The following MEGF11 variants were observed in gnomAD, a reference collection of about 807,000 sequenced individuals.
MEGF11 encodes multiple EGF like domains 11.
Under a neutral mutation model 146.6 loss-of-function variants are expected in MEGF11, and 126 were observed. That is an observed-to-expected ratio of 0.86 (90% CI 0.74 to 1.00). MEGF11 has a LOEUF of 1.00. Ranked by LOEUF, MEGF11 falls within the 50% of genes least tolerant of loss-of-function variation. MEGF11 has a pLI of 0.00. For synonymous variants in MEGF11, 532 were observed against 583.4 expected (o/e 0.91, Z 1.27); for missense variants, 1,509 against 1,521.2 (o/e 0.99, Z 0.13).
At chr15:65,918,178 C>CA (rs151064445) in intron 15 of MEGF11, 84 bp from the exon 16 acceptor site, 1 of 1,566,512 alleles carries the variant, frequency 6.4e-7, no homozygotes, top group Admixed American at 1.8e-5. Context: ...TAGAAGTTCC[C>CA]AAGCCACAGC....
chr15:66,122,802 A>G (rs1000013188), intron 3 of MEGF11, among the ~76,000 whole-genome samples: 51 of 146,406 alleles, frequency 3.5e-4, no homozygotes, highest in Middle Eastern at 3.6e-3. Context: ...TTTTTGAGAG[A>G]GAGTCTCGCT....
intron 1 of MEGF11, among the ~76,000 whole-genome samples, chr15:66,235,245 G>C (rs753356803): frequency 6.6e-6 from 1 of 152,194 alleles, no homozygotes; most frequent in African/African-American, 2.4e-5. Context: ...GCTTATGCCT[G>C]TAATCCCAGC....
rs1262363064 is a variant in MEGF11 at position 66,078,313 on chromosome 15, C to T, written c.394+16089G>A. Among the ~76,000 whole-genome samples, 13 of 152,376 alleles carry T rather than the reference C, an allele frequency of 8.5e-5. No homozygotes were observed. In the East Asian group the frequency reaches 2.5e-3, roughly 29 times the overall value. ...CTCCTTCCCTGTCAGCCTCAAGTGCCACCTCCTCCACAGCCCTGCATCGTG... is the reference window on the plus strand; with the variant it reads ...CTCCTTCCCTGTCAGCCTCAAGTGCTACCTCCTCCACAGCCCTGCATCGTG... On this transcript the variant is annotated intron_variant, in intron 5 of 25. Transcript: ENST00000395614.
chr15:65,982,318 A>G lies in MEGF11; in HGVS notation c.565T>C (p.Cys189Arg), dbSNP rs1478293576. The G allele has an allele frequency of 2.6e-6, 4 of 1,531,196 alleles. No individual in the cohort carries two copies. In the African/African-American group the frequency reaches 5.5e-5, roughly 21 times the overall value. The allele number at this position is 1,531,196 out of a possible 1,614,324, so 94.9% of individuals were successfully genotyped here. ...GTHGKGCQLP[C>R]QCRHGASCDP... ...CAGCTGGCACCGTGTCGGCACTGGC[A>G]CGGCAGCTGGCATCCCTTGCCGTGG... The change falls in exon 6 of 26, where the codon TGC becomes CGC. Residue 189 changes from cysteine to arginine, a missense_variant. Physicochemically the swap from Cys to Arg is radical, Grantham distance 180. Transcript: ENST00000395614. The surrounding 1 kb of genome is among the most constrained non-coding windows in gnomAD (Gnocchi z 5.6).
chr15:66,146,437 G>A (rs912267432), intron 1 of MEGF11, among the ~76,000 whole-genome samples: 1 of 151,842 alleles, frequency 6.6e-6, no homozygotes, highest in African/African-American at 2.4e-5. Context: ...GAAGTTCCCA[G>A]GAGAGATGGA....
chr15:65,982,106 G>T lies in MEGF11; in HGVS notation c.641+136C>A. 2.4e-6 allele frequency: 3 copies of T among 1,253,480 alleles called. No homozygotes were observed. The highest frequency in any genetic ancestry group is 3.1e-5 in the South Asian group (2 of 63,926). 77.6% of individuals were successfully genotyped at this position (1,253,480 alleles called of 1,614,324 possible). ...CCCACCCACAAGGAGCCCAGGGCTGGGCGTGCAGCTGCGGTGAGGGCAGCC... is the reference window on the plus strand; with the variant it reads ...CCCACCCACAAGGAGCCCAGGGCTGTGCGTGCAGCTGCGGTGAGGGCAGCC... On this transcript the variant is annotated intron_variant, in intron 6 of 25. Transcript: ENST00000395614. The surrounding 1 kb of genome is among the most constrained non-coding windows in gnomAD (Gnocchi z 5.6).
intron 5 of MEGF11, among the ~76,000 whole-genome samples, chr15:66,028,564 A>G (rs1006675779): frequency 6.6e-6 from 1 of 152,242 alleles, no homozygotes; most frequent in African/African-American, 2.4e-5. Flanking sequence ...AATGGAAATC[A>G]TTCAAAAGAA....
At chr15:66,218,995 A>AAAAAAAAAAAAAAAAAAAC (rs1349483802) in intron 1 of MEGF11, among the ~76,000 whole-genome samples, 1 of 151,308 alleles carries the variant, frequency 6.6e-6, no homozygotes, top group African/African-American at 2.4e-5. Context: ...AAAAAAAAAA[A>AAAAAAAAAAAAAAAAAAAC]ACCTTAACCT....
intron 1 of MEGF11, among the ~76,000 whole-genome samples, chr15:66,141,806 C>T (rs2141007719): frequency 6.6e-6 from 1 of 152,222 alleles, no homozygotes; most frequent in East Asian, 1.9e-4. Context: ...TGTGTATTTC[C>T]CTCCTGTCAT....
intron 7 of MEGF11, among the ~76,000 whole-genome samples, chr15:65,979,818 CTGT>C (rs1198899513): frequency 1.3e-5 from 2 of 152,170 alleles, no homozygotes; most frequent in Non-Finnish European, 2.9e-5. Flanking sequence ...GCAGGGCTCA[CTGT>C]TGTTATATCA....
intron 1 of MEGF11, among the ~76,000 whole-genome samples, chr15:66,196,322 A>C (rs1420834276): frequency 3.3e-5 from 5 of 152,074 alleles, no homozygotes; most frequent in Non-Finnish European, 7.4e-5. Flanking sequence ...AAATACAAAA[A>C]TTAGCCGGGC....
At chr15:65,931,658 G>A (rs1353332279) in intron 10 of MEGF11, among the ~76,000 whole-genome samples, 2 of 152,160 alleles carry the variant, frequency 1.3e-5, no homozygotes, top group East Asian at 1.9e-4. Flanking sequence ...GTATTAGGTC[G>A]AAGAAGCACC....
chr15:66,078,751 C>T (rs909584097), intron 5 of MEGF11, among the ~76,000 whole-genome samples: 23 of 152,140 alleles, frequency 1.5e-4, no homozygotes, highest in African/African-American at 2.7e-4. Flanking sequence ...CGTGCGACAA[C>T]GCCAGCTGGG....
chr15:66,123,177 G>T (rs200875632), intron 3 of MEGF11, among the ~76,000 whole-genome samples: 99 of 152,268 alleles, frequency 6.5e-4, no homozygotes, highest in East Asian at 6.0e-3. Flanking sequence ...CCTTCCTCTT[G>T]CCTTTCCCTG....
intron 15 of MEGF11, chr15:65,921,999 C>T (rs953267125): frequency 2.0e-5 from 6 of 298,784 alleles, no homozygotes; most frequent in African/African-American, 9.0e-5. Context: ...CCTTGGCACT[C>T]GGCACAGACC....
chr15:66,068,582 G>C (rs374532292), intron 5 of MEGF11, among the ~76,000 whole-genome samples: 3 of 152,338 alleles, frequency 2.0e-5, no homozygotes, highest in African/African-American at 7.2e-5. Flanking sequence ...GTTAGTGGCA[G>C]AGCTGGGATT....
intron 1 of MEGF11, among the ~76,000 whole-genome samples, chr15:66,188,977 A>G (rs1440112801): frequency 1.3e-5 from 2 of 152,172 alleles, no homozygotes; most frequent in African/African-American, 2.4e-5. Context: ...TTCTGAGTGG[A>G]GCTGGCTAGT....
intron 5 of MEGF11, among the ~76,000 whole-genome samples, chr15:66,021,978 A>G (rs2083153119): frequency 6.6e-6 from 1 of 152,218 alleles, no homozygotes; most frequent in South Asian, 2.1e-4. Context: ...ACAGGGAGGA[A>G]CAAGCCATGT....
chr15:66,217,166 G>A (rs2091605991), intron 1 of MEGF11, among the ~76,000 whole-genome samples: 1 of 152,218 alleles, frequency 6.6e-6, no homozygotes, highest in African/African-American at 2.4e-5. Context: ...CTAAGTCAGG[G>A]GGCATGTCTA....
Sources: allele counts gnomAD v4.1 joint callset (sites outside exome capture counted in the v4.1 genomes callset), GRCh38; gene constraint gnomAD v4.1.1; non-coding constraint Gnocchi (gnomAD v3.1); transcripts MANE v1.5; gene names NCBI Gene and HGNC (gene_info 2026-07-23, HGNC 2026-07-21).